Variants in FAM89A observed in about 807,000 individuals in gnomAD.
FAM89A encodes the protein protein FAM89A.
In FAM89A, 10 loss-of-function variants were observed where a neutral mutation model predicts 7.1. The observed-to-expected ratio is 1.40, with a 90% confidence interval of 0.86 to 2.38. The LOEUF is 2.38. Among genes scored for constraint, FAM89A ranks in the 30% most tolerant of loss-of-function variants. The pLI is 0.00. For synonymous variants in FAM89A, 157 were observed against 129.3 expected (o/e 1.21, Z -1.45); for missense variants, 276 against 262.8 (o/e 1.05, Z -0.35).
At chr1:231,038,045 G>A (rs1255762919) in intron 1 of FAM89A, among the ~76,000 whole-genome samples, 1 of 152,142 alleles carries the variant, frequency 6.6e-6, no homozygotes, top group African/African-American at 2.4e-5. Context: ...GTCTCAGCTT[G>A]AGTTGTCCAC....
chr1:231,026,900 T>C (rs1248314719), intron 1 of FAM89A: 1 of 152,160 alleles, frequency 6.6e-6, no homozygotes, highest in African/African-American at 2.4e-5. Context: ...TCAAAAACCA[T>C]GGAAGAAGAT....
intron 1 of FAM89A, among the ~76,000 whole-genome samples, chr1:231,033,951 A>C (rs773929430): frequency 6.6e-5 from 10 of 152,136 alleles, no homozygotes; most frequent in Non-Finnish European, 1.0e-4. Flanking sequence ...TCATACACAC[A>C]AACTAATATA....
chr1:231,022,071 G>A (rs1029211566), intron 1 of FAM89A: 85 of 1,411,498 alleles, frequency 6.0e-5, no homozygotes, highest in Middle Eastern at 5.3e-4. Context: ...TCCACAGAAT[G>A]TGGCCATGTC....
chr1:231,020,090 G>T lies in FAM89A; in HGVS notation c.328C>A (p.Gln110Lys), dbSNP rs1679846880. 6.2e-7 allele frequency: 1 copy of T among 1,613,716 alleles called. No individual in the cohort carries two copies. Among genetic ancestry groups the T allele is most frequent in the Non-Finnish European group, 8.5e-7 (1 of 1,179,810 alleles). The change falls in exon 2 of 2, where the codon CAA (glutamine) becomes AAA (lysine). Residue 110 changes from glutamine (Q) to lysine (K), a missense_variant. By Grantham distance (53) the Gln-to-Lys change is moderately conservative. Transcript: ENST00000366654. ...LRQLDMSLLC[Q>K]LYSLYESIQE... ...ATCGACTCGTAGAGGCTGTACAGTTGGCAGAGCAAGGACATGTCCAGCTGG... is the reference window on the plus strand; with the variant it reads ...ATCGACTCGTAGAGGCTGTACAGTTTGCAGAGCAAGGACATGTCCAGCTGG...
chr1:231,027,314 C>T (rs71636375), intron 1 of FAM89A, among the ~76,000 whole-genome samples: 2,005 of 152,294 alleles, frequency 0.013, 21 homozygotes, highest in Middle Eastern at 0.034. Flanking sequence ...ACAAAGCTGC[C>T]TTGTCGTCAG....
At position 231,039,418 on chromosome 1, in the gene FAM89A, C is replaced by A. The variant is rs190200330; in HGVS notation, c.291+503G>T. ...CATCCCGCGGTAATCGGATCACGGA[C>A]GCGCGGCCTGGGGCGCCGGAAAGGG... On this transcript the variant is annotated intron_variant, in intron 1 of 1. Coordinates refer to ENST00000366654, the MANE Select transcript of FAM89A (RefSeq NM_198552.3). 3.5e-4 allele frequency among the ~76,000 whole-genome samples: 53 copies of A among 152,334 alleles called. No individual in the cohort carries two copies. The East Asian group carries it at 7.9e-3, about 23-fold the overall frequency.
intron 1 of FAM89A, chr1:231,021,540 C>T (rs1679877915): frequency 1.0e-5 from 9 of 875,228 alleles, no homozygotes; most frequent in East Asian, 2.5e-5. Context: ...TGAGAACATT[C>T]GACTTCCCTG....
Position 231,019,946 on chromosome 1 carries a change from T to G in FAM89A, c.472A>C (p.Arg158=), listed in dbSNP as rs1489094137. ...YFQEQNSLHD[R]RDRGPPRDLS... ...TCCCGAGGAGGGCCTCGGTCCCTCC[T>G]GTCGTGCAGGGAGTTCTGCTCCTGG... is the stretch of plus-strand genomic sequence containing the variant. The change falls in exon 2 of 2, where the codon AGG becomes CGG. Residue 158 remains arginine, a synonymous_variant. Transcript: ENST00000366654. 6.2e-7 allele frequency: 1 copy of G among 1,614,188 alleles called. No homozygotes were observed. Among genetic ancestry groups the G allele is most frequent in the East Asian group, 2.2e-5 (1 of 44,872 alleles).
intron 1 of FAM89A, chr1:231,022,135 T>G: frequency 8.3e-7 from 1 of 1,211,808 alleles, no homozygotes; most frequent in East Asian, 2.3e-5. Context: ...CTTGCCCAAC[T>G]TGTAGGAAAA....
intron 1 of FAM89A, among the ~76,000 whole-genome samples, chr1:231,038,263 A>T (rs1680192384): frequency 6.6e-6 from 1 of 152,194 alleles, no homozygotes; most frequent in African/African-American, 2.4e-5. Context: ...GCTCTGGTCC[A>T]AGGCGTAATT....
At chr1:231,030,379 T>C (rs149420342) in intron 1 of FAM89A, among the ~76,000 whole-genome samples, 17 of 152,304 alleles carry the variant, frequency 1.1e-4, no homozygotes, top group African/African-American at 3.9e-4. Context: ...GCTGTTTGAA[T>C]TGGATTTTCT....
At chr1:231,022,001 G>T in intron 1 of FAM89A, 1 of 1,341,272 alleles carries the variant, frequency 7.5e-7, no homozygotes, top group African/African-American at 1.4e-5. Context: ...GGGTACTGTC[G>T]GTTGTCCTAT....
rs1339532456 is a variant in FAM89A, at chr1:231,019,987, T to C, written c.431A>G (p.Glu144Gly). ...TYALENGFFD[E>G]EEEYFQEQNS... ...CTGCTCCTGGAAATATTCCTCCTCT[T>C]CATCGAAGAAGCCGTTCTCCAGAGC... The change falls in exon 2 of 2, where the codon GAA becomes GGA. Residue 144 changes from glutamate to glycine, a missense_variant. Coordinates refer to ENST00000366654, the MANE Select transcript of FAM89A (RefSeq NM_198552.3). 2 of 1,614,142 alleles carry C rather than the reference T, an allele frequency of 1.2e-6. No homozygotes were observed. Among genetic ancestry groups the C allele is most frequent in the South Asian group, 2.2e-5 (2 of 91,080 alleles).
Position 231,019,549 on chromosome 1 carries a change from C to T in FAM89A, c.*314G>A. ...TACAAGCCACCTCACACAAAACACC[C>T]ACTAAGGCCTTTCACCGAGATCCTC... On this transcript the variant is annotated 3_prime_UTR_variant, in exon 2 of 2. Coordinates refer to ENST00000366654, the MANE Select transcript of FAM89A (RefSeq NM_198552.3). 1 of 294,800 alleles carries T rather than the reference C, an allele frequency of 3.4e-6. No individual in the cohort carries two copies. Among genetic ancestry groups the T allele is most frequent in the Non-Finnish European group, 6.4e-6 (1 of 156,258 alleles). The allele number at this position is 294,800 out of a possible 1,614,324, so 18.3% of individuals were successfully genotyped here. A position where few individuals can be genotyped will look rare whatever the true frequency, so the allele number is the denominator to read the frequency against.
At position 231,040,250 on chromosome 1, in the gene FAM89A, GA is replaced by G. The variant is rs891520769; in HGVS notation, c.-40del. 2.0e-5 allele frequency: 20 copies of G among 1,024,696 alleles called. No individual in the cohort carries two copies. The African/African-American group carries it at 2.6e-4, about 13-fold the overall frequency. The allele number at this position is 1,024,696 out of a possible 1,614,324, so 63.5% of individuals were successfully genotyped here. A position where few individuals can be genotyped will look rare whatever the true frequency, so the allele number is the denominator to read the frequency against. On this transcript the variant is annotated 5_prime_UTR_variant, in exon 1 of 2. Transcript: ENST00000366654. ...GGCCACGCGCCTGCCCCGCTGCAGC[GA>G]ACCAAGGCTTTCCCCCGGCCCGCCC... is the stretch of plus-strand genomic sequence containing the variant.
Position 231,040,183 on chromosome 1 carries a change from G to C in FAM89A, c.29C>G (p.Ala10Gly). 1 of 1,127,128 alleles carries C rather than the reference G, an allele frequency of 8.9e-7. No individual in the cohort carries two copies. Among genetic ancestry groups the C allele is most frequent in the Non-Finnish European group, 1.1e-6 (1 of 924,082 alleles). The allele number at this position is 1,127,128 out of a possible 1,614,324, so 69.8% of individuals were successfully genotyped here. The change falls in exon 1 of 2, where the codon GCC (alanine) becomes GGC (glycine). Residue 10 changes from alanine to glycine, a missense_variant. By Grantham distance (60) the Ala-to-Gly change is moderately conservative (BLOSUM62 0). Transcript: ENST00000366654. ...CCCCCGGACCGCGCCGTTGCCCGCG[G>C]CCCCGGGCGCCGCCCGGGCCCCACT... MSGARAAPG[A>G]AGNGAVRGLR...
chr1:231,033,706 G>C (rs1287106636), intron 1 of FAM89A, among the ~76,000 whole-genome samples: 1 of 152,160 alleles, frequency 6.6e-6, no homozygotes, highest in Non-Finnish European at 1.5e-5. Flanking sequence ...AAAGGAGAAG[G>C]GTTGTAAGAT....
At chr1:231,034,090 A>C (rs1680118484) in intron 1 of FAM89A, among the ~76,000 whole-genome samples, 1 of 152,208 alleles carries the variant, frequency 6.6e-6, no homozygotes, top group Non-Finnish European at 1.5e-5. Flanking sequence ...AACTGAGCTC[A>C]AGAATAGCAA....
At chr1:231,030,025 A>G (rs1378723353) in intron 1 of FAM89A, among the ~76,000 whole-genome samples, 1 of 152,222 alleles carries the variant, frequency 6.6e-6, no homozygotes, top group African/African-American at 2.4e-5. Flanking sequence ...GCAGTTGGAG[A>G]CGGGCTATGA....
Sources: gnomAD v4.1 joint callset for allele counts (sites outside exome capture counted in the v4.1 genomes callset) on GRCh38, gnomAD v4.1.1 for gene constraint, MANE v1.5 for transcripts, NCBI Gene and HGNC (gene_info 2026-07-23, HGNC 2026-07-21) for gene names.